Variants in KSR2 observed in about 807,000 individuals in gnomAD.
KSR2 encodes kinase suppressor of ras 2.
A neutral mutation model predicts 107.8 loss-of-function variants in KSR2; 25 were observed. That is an observed-to-expected ratio of 0.23 (90% CI 0.17 to 0.32). The LOEUF is 0.32. Among genes scored for constraint, KSR2 ranks in the 10% least tolerant of loss-of-function variants. The probability of loss-of-function intolerance (pLI) is 1.00; values close to 1 mark genes in which losing one functional copy is unlikely to be tolerated. For missense variants in KSR2, 887 were observed against 1,268.9 expected, an observed-to-expected ratio of 0.70 and a Z score of 4.57; for synonymous variants, 480 against 507.0, an observed-to-expected ratio of 0.95 and a Z score of 0.71.
At position 117,555,206 on chromosome 12, in the gene KSR2, A is replaced by T. The variant is rs1592987835; in HGVS notation, c.1481T>A (p.Ile494Asn). The change falls in exon 9 of 20, where the codon ATC becomes AAC. Residue 494 changes from isoleucine to asparagine, a missense_variant. Ile to Asn is a moderately radical substitution (Grantham distance 149). Coordinates refer to ENST00000339824, the MANE Select transcript of KSR2 (RefSeq NM_173598.6). ...RKPPRYSDLH[I>N]SQTLPKTNKI... is the part of the protein sequence containing the mutation. ...GTTGGTTTTGGGGAGCGTCTGACTG[A>T]TGTGCAGGTCTGAATAGCGAGGTGG... is the stretch of plus-strand genomic sequence containing the variant. The T allele has an allele frequency of 6.2e-7, 1 of 1,613,928 alleles. No homozygotes were observed. The highest frequency in any genetic ancestry group is 2.2e-5 in the East Asian group (1 of 44,876).
Position 117,469,739 on chromosome 12 carries a change from C to T in KSR2, c.2769G>A (p.Lys923=), listed in dbSNP as rs1871327600. ...FEQEERPTFT[K]LMDMLEKLPK... Reference sequence around the variant, plus strand: ...GCAGTTTCTCCAGCATGTCCATGAGCTTGGTGAAGGTAGGTCTCTCTTCTT... The same window carrying T: ...GCAGTTTCTCCAGCATGTCCATGAGTTTGGTGAAGGTAGGTCTCTCTTCTT... Residue 923 remains lysine (K), a synonymous_variant, in exon 19 of 20, where the codon AAG becomes AAA. Transcript: ENST00000339824. 3 of 1,613,738 alleles carry T rather than the reference C, an allele frequency of 1.9e-6. No individual in the cohort carries two copies. The highest frequency in any genetic ancestry group is 1.6e-4 in the Middle Eastern group (1 of 6,084).
At chr12:117,751,508 T>G (rs11614143) in intron 4 of KSR2, among the ~76,000 whole-genome samples, 39,480 of 152,052 alleles carry the variant, frequency 0.26, 5,441 homozygotes, top group Non-Finnish European at 0.31. Flanking sequence ...AAATTGCCCC[T>G]TGTTGGTAGA....
intron 1 of KSR2, among the ~76,000 whole-genome samples, chr12:117,869,141 G>A (rs1276011957): frequency 6.6e-6 from 1 of 152,070 alleles, no homozygotes; most frequent in African/African-American, 2.4e-5. Context: ...GGAGGCCGAG[G>A]TGGGTGGATC....
At chr12:117,589,533 G>A (rs1405137866) in intron 5 of KSR2, among the ~76,000 whole-genome samples, 1 of 152,146 alleles carries the variant, frequency 6.6e-6, no homozygotes, top group East Asian at 1.9e-4. Flanking sequence ...GAACTCAGCA[G>A]AGGTGTTGCA....
chr12:117,539,755 G>C lies in KSR2; in HGVS notation c.1651C>G (p.Gln551Glu). The C allele has an allele frequency of 1.2e-6, 2 of 1,607,460 alleles. No homozygotes were observed. Among genetic ancestry groups the C allele is most frequent in the Non-Finnish European group, 1.7e-6 (2 of 1,177,658 alleles). ...AAGTTCTTCTGCTGCCGTGTGCACTGTGGGGAAGGGTGTAGGGGAGAAGGC... is the reference window on the plus strand; with the variant it reads ...AAGTTCTTCTGCTGCCGTGTGCACTCTGGGGAAGGGTGTAGGGGAGAAGGC... ...TPPSPLHPSP[Q>E]CTRQQKNFNL... is the part of the protein sequence containing the mutation. The change falls in exon 10 of 20, where the codon CAG becomes GAG. Residue 551 changes from glutamine to glutamate, a missense_variant. Coordinates refer to ENST00000339824, the MANE Select transcript of KSR2 (RefSeq NM_173598.6).
chr12:117,649,570 A>C (rs1184160675), intron 5 of KSR2, among the ~76,000 whole-genome samples: 1 of 152,202 alleles, frequency 6.6e-6, no homozygotes, highest in Non-Finnish European at 1.5e-5. Context: ...CCAGTTTTAA[A>C]GATGGAGAAC....
chr12:117,794,178 AC>A (rs1890474423), intron 3 of KSR2, among the ~76,000 whole-genome samples: 1 of 128,240 alleles, frequency 7.8e-6, no homozygotes. Context: ...ATGCGCACAC[AC>A]CAACATGCAC....
intron 3 of KSR2, among the ~76,000 whole-genome samples, chr12:117,790,115 T>G (rs1358954665): frequency 6.6e-6 from 1 of 152,106 alleles, no homozygotes; most frequent in Non-Finnish European, 1.5e-5. Context: ...GACCAAAACA[T>G]AAGAGTTGTG....
chr12:117,590,767 T>C (rs1379764042), intron 5 of KSR2, among the ~76,000 whole-genome samples: 2 of 152,180 alleles, frequency 1.3e-5, no homozygotes, highest in African/African-American at 4.8e-5. Context: ...CAGGAGTAGT[T>C]GTAACAGAGA....
intron 14 of KSR2, among the ~76,000 whole-genome samples, chr12:117,507,057 T>C (rs1370782889): frequency 6.6e-6 from 1 of 152,088 alleles, no homozygotes; most frequent in Non-Finnish European, 1.5e-5. Flanking sequence ...AGGAAAAAAG[T>C]CTCTCATTTT....
intron 1 of KSR2, among the ~76,000 whole-genome samples, chr12:117,914,356 G>A (rs918054653): frequency 2.2e-4 from 33 of 151,362 alleles, no homozygotes; most frequent in Admixed American, 1.8e-3. Context: ...TCGAACCCAG[G>A]AGGTGGATGC....
intron 14 of KSR2, among the ~76,000 whole-genome samples, chr12:117,499,493 T>C (rs1253028487): frequency 6.6e-6 from 1 of 152,184 alleles, no homozygotes; most frequent in Non-Finnish European, 1.5e-5. Flanking sequence ...TTGGAAAACA[T>C]TGAATCGGTG....
At chr12:117,595,748 C>G (rs943631936) in intron 5 of KSR2, among the ~76,000 whole-genome samples, 4 of 152,296 alleles carry the variant, frequency 2.6e-5, no homozygotes, top group Non-Finnish European at 5.9e-5. Flanking sequence ...ACAGACAATA[C>G]TTTGAAGGCC....
At chr12:117,569,205 A>C (rs1878721248) in intron 7 of KSR2, among the ~76,000 whole-genome samples, 1 of 152,244 alleles carries the variant, frequency 6.6e-6, no homozygotes, top group Non-Finnish European at 1.5e-5. Flanking sequence ...ATAGGAGAGC[A>C]GAATGCACAG....
chr12:117,958,240 C>T (rs1896570402), intron 1 of KSR2, among the ~76,000 whole-genome samples: 1 of 152,128 alleles, frequency 6.6e-6, no homozygotes, highest in Non-Finnish European at 1.5e-5. Context: ...GAGACAACAG[C>T]CTCCTTAACC....
intron 5 of KSR2, among the ~76,000 whole-genome samples, chr12:117,644,634 T>C (rs988882011): frequency 6.6e-6 from 1 of 152,152 alleles, no homozygotes; most frequent in African/African-American, 2.4e-5. Flanking sequence ...CAAGAAGCGC[T>C]TTCTTCTTGT....
chr12:117,591,318 CA>C (rs1381710068), intron 5 of KSR2, among the ~76,000 whole-genome samples: 2 of 152,120 alleles, frequency 1.3e-5, no homozygotes, highest in Admixed American at 1.3e-4. Flanking sequence ...TCTATCAAAG[CA>C]GAGAGAAGAC....
At chr12:117,810,701 G>GA (rs1162147382) in intron 3 of KSR2, among the ~76,000 whole-genome samples, 1 of 152,144 alleles carries the variant, frequency 6.6e-6, no homozygotes, top group Non-Finnish European at 1.5e-5. Flanking sequence ...ATATGCAGAA[G>GA]AAATGAAGGA....
At chr12:117,908,263 CT>C (rs201939871) in intron 1 of KSR2, among the ~76,000 whole-genome samples, 342 of 141,140 alleles carry the variant, frequency 2.4e-3, no homozygotes, top group African/African-American at 3.2e-3. Flanking sequence ...TTGTTTGCGC[CT>C]TTTTTTTTTT....
Sources: allele counts gnomAD v4.1 joint callset (sites outside exome capture counted in the v4.1 genomes callset), GRCh38; gene constraint gnomAD v4.1.1; transcripts MANE v1.5; gene names NCBI Gene and HGNC (gene_info 2026-07-23, HGNC 2026-07-21).